ME1: variants seen among roughly 807,000 people sequenced by gnomAD.
ME1 encodes NADP-dependent malic enzyme.
A neutral mutation model predicts 66.4 loss-of-function variants in ME1; 74 were observed. The observed-to-expected ratio is 1.11, with a 90% CI of 0.92 to 1.35. The LOEUF is 1.35. ME1 is among the 40% of genes most tolerant of loss of function. The pLI is 0.00. For synonymous variants in ME1, 251 were observed against 235.6 expected, an observed-to-expected ratio of 1.07 and a Z score of -0.60; for missense variants, 750 against 694.1, an observed-to-expected ratio of 1.08 and a Z score of -0.90.
chr6:83,238,819 T>TATATATATATATATATATATAG (rs1790459573), intron 8 of ME1, among the ~76,000 whole-genome samples: 1 of 149,078 alleles, frequency 6.7e-6, no homozygotes, highest in South Asian at 2.1e-4. Flanking sequence ...TATATATATA[T>TATATATATATATATATATATAG]AGCCACAAAA....
At chr6:83,222,025 ATTAC>A (rs1790100655) in intron 12 of ME1, among the ~76,000 whole-genome samples, 1 of 152,024 alleles carries the variant, frequency 6.6e-6, no homozygotes, top group Non-Finnish European at 1.5e-5. Flanking sequence ...GGTAGTGATT[ATTAC>A]TTTTCTTGGA....
chr6:83,271,581 G>A (rs1221919637), intron 6 of ME1, among the ~76,000 whole-genome samples: 3 of 152,096 alleles, frequency 2.0e-5, no homozygotes, highest in African/African-American at 4.8e-5. Flanking sequence ...GTGTTTTTCT[G>A]TAAACTGATA....
intron 6 of ME1, among the ~76,000 whole-genome samples, chr6:83,270,907 CATAAGA>C (rs1767071049): frequency 6.6e-6 from 1 of 151,206 alleles, no homozygotes; most frequent in African/African-American, 2.4e-5. Context: ...TAATAAATAA[CATAAGA>C]ATGTCATTTT....
intron 7 of ME1, among the ~76,000 whole-genome samples, chr6:83,240,147 G>C (rs527577390): frequency 6.6e-6 from 1 of 152,062 alleles, no homozygotes; most frequent in South Asian, 2.1e-4. Context: ...TTCACACAAA[G>C]TAGGCTTCAC....
intron 6 of ME1, among the ~76,000 whole-genome samples, chr6:83,294,152 G>A (rs544098030): frequency 4.1e-4 from 62 of 152,180 alleles, no homozygotes; most frequent in Non-Finnish European, 7.8e-4. Flanking sequence ...TTTTGCCACT[G>A]AAATACATGC....
chr6:83,431,009 G>A lies in ME1; in HGVS notation c.-55C>T, dbSNP rs28372717. ...GGCCGGGGCGGGCCGCACGCGCGGT[G>A]CAGGCGGCGGATGCTGCTGGGGTGA... On this transcript the variant is annotated 5_prime_UTR_variant, in exon 1 of 14. Coordinates refer to ENST00000369705, the MANE Select transcript of ME1 (RefSeq NM_002395.6). 22,107 of 1,193,492 alleles carry A rather than the reference G, an allele frequency of 0.019. 841 individuals carry two copies. The highest frequency in any genetic ancestry group is 0.15 in the East Asian group (4,855 of 32,956). The allele number at this position is 1,193,492 out of a possible 1,614,324, so 73.9% of individuals were successfully genotyped here.
chr6:83,240,486 A>G (rs2128526017), intron 7 of ME1, among the ~76,000 whole-genome samples: 1 of 152,242 alleles, frequency 6.6e-6, no homozygotes, highest in African/African-American at 2.4e-5. Context: ...TTACCATATA[A>G]GCATTCACAG....
intron 1 of ME1, among the ~76,000 whole-genome samples, chr6:83,423,069 T>C (rs1770301122): frequency 6.6e-6 from 1 of 152,026 alleles, no homozygotes; most frequent in Non-Finnish European, 1.5e-5. Flanking sequence ...TATTTAAGAT[T>C]CTGAAAGTGA....
rs1335260498 is a variant in ME1, at chr6:83,253,721, A to G, written c.722T>C (p.Leu241Pro). The change falls in exon 7 of 14, where the codon CTT becomes CCT. Residue 241 changes from leucine (L) to proline (P), a missense_variant. Physicochemically the swap from Leu to Pro is moderately conservative, Grantham distance 98 (BLOSUM62 -3). Transcript: ENST00000369705. ...AVSSKYGMNC[L>P]IQFEDFANVN... is the part of the protein sequence containing the mutation. Reference sequence around the variant, plus strand: ...ATTGGCAAAATCTTCAAACTGAATAAGGCAATTCATGCCATACCTATGGGA... The same window carrying G: ...ATTGGCAAAATCTTCAAACTGAATAGGGCAATTCATGCCATACCTATGGGA... 1.2e-6 allele frequency: 2 copies of G among 1,600,912 alleles called. No individual in the cohort carries two copies. Among genetic ancestry groups the G allele is most frequent in the African/African-American group, 1.3e-5 (1 of 74,770 alleles).
chr6:83,356,246 C>G (rs1194896103), intron 3 of ME1, among the ~76,000 whole-genome samples: 1 of 152,150 alleles, frequency 6.6e-6, no homozygotes, highest in African/African-American at 2.4e-5. Flanking sequence ...TAATAACCCT[C>G]TGTTCCATTA....
intron 2 of ME1, among the ~76,000 whole-genome samples, chr6:83,398,842 G>A (rs1250005181): frequency 2.0e-5 from 3 of 151,788 alleles, no homozygotes; most frequent in African/African-American, 7.3e-5. Context: ...GGTGGCTCAC[G>A]CCTGTAATCC....
At chr6:83,344,643 G>A (rs1328446289) in intron 5 of ME1, among the ~76,000 whole-genome samples, 2 of 152,070 alleles carry the variant, frequency 1.3e-5, no homozygotes, top group African/African-American at 4.8e-5. Flanking sequence ...CAGCACTTTG[G>A]GAGGGCGAGG....
chr6:83,244,612 A>G (rs1444388413), intron 7 of ME1, among the ~76,000 whole-genome samples: 3 of 152,068 alleles, frequency 2.0e-5, no homozygotes, highest in Non-Finnish European at 2.9e-5. Context: ...TTCAATTTTG[A>G]GCTTTTGCAC....
At chr6:83,392,615 T>C in intron 3 of ME1, 1 of 576,950 alleles carries the variant, frequency 1.7e-6, no homozygotes, top group South Asian at 1.4e-5. Context: ...AACGGGAAGC[T>C]TGTTATCAAT....
At chr6:83,309,469 G>C (rs1767890446) in intron 6 of ME1, among the ~76,000 whole-genome samples, 1 of 152,152 alleles carries the variant, frequency 6.6e-6, no homozygotes, top group Non-Finnish European at 1.5e-5. Flanking sequence ...TTAGTCACAG[G>C]AAGAGGAAGA....
chr6:83,291,853 C>G (rs866337041), intron 6 of ME1, among the ~76,000 whole-genome samples: 1 of 151,982 alleles, frequency 6.6e-6, no homozygotes, highest in Non-Finnish European at 1.5e-5. Context: ...TGTCTTCTCG[C>G]TTTATTTCAT....
intron 1 of ME1, among the ~76,000 whole-genome samples, chr6:83,417,754 TA>T (rs1770189835): frequency 6.6e-6 from 1 of 152,196 alleles, no homozygotes; most frequent in Non-Finnish European, 1.5e-5. Context: ...CTTTAAAAAA[TA>T]AAACTTTACT....
chr6:83,340,655 TAATTAGC>T lies in ME1; in HGVS notation c.600+5511_600+5517del, dbSNP rs1414501002. On this transcript the variant is annotated intron_variant, in intron 5 of 13. Transcript: ENST00000369705. ...CTGGGAGCATGGGTAAATATGAGAC[TAATTAGC>T]AATTTCTTGTTATGTGCTATTTTTT... Among the ~76,000 whole-genome samples the T allele has an allele frequency of 4.6e-5, 7 of 150,972 alleles. 1 individual carries two copies. The South Asian group carries it at 6.2e-4, about 13-fold the overall frequency.
At chr6:83,300,508 T>A (rs550476983) in intron 6 of ME1, among the ~76,000 whole-genome samples, 1 of 151,834 alleles carries the variant, frequency 6.6e-6, no homozygotes, top group African/African-American at 2.4e-5. Flanking sequence ...CTAACATCCA[T>A]TATCTATAGA....
Sources: allele counts gnomAD v4.1 joint callset (sites outside exome capture counted in the v4.1 genomes callset), GRCh38; gene constraint gnomAD v4.1.1; transcripts MANE v1.5; gene names NCBI Gene and HGNC (gene_info 2026-07-23, HGNC 2026-07-21).